ATPAF1: variants seen among roughly 807,000 people sequenced by gnomAD.
ATPAF1 encodes ATP synthase mitochondrial F1 complex assembly factor 1, also known as homolog of yeast ATP11.
A neutral mutation model predicts 43.9 loss-of-function variants in ATPAF1; 26 were observed. The ratio of observed to expected loss-of-function variants is 0.59; its 90% CI spans 0.43 to 0.82. The LOEUF is 0.82. Among genes scored for constraint, ATPAF1 ranks in the 40% least tolerant of loss-of-function variants. The pLI, the probability that ATPAF1 is intolerant of heterozygous loss-of-function variation, is 0.00. For missense variants in ATPAF1, 366 were observed against 435.0 expected (o/e 0.84, Z 1.41); for synonymous variants, 157 against 168.0 (o/e 0.93, Z 0.50).
chr1:46,658,710 TCA>T lies in ATPAF1; in HGVS notation c.401_402del (p.Val134GlufsTer6). The T allele has an allele frequency of 2.5e-6, 4 of 1,603,822 alleles. No homozygotes were observed. The highest frequency in any genetic ancestry group is 1.1e-5 in the South Asian group (1 of 89,472). On this transcript the variant is annotated frameshift_variant, in exon 3 of 9. Transcript: ENST00000574428. LOFTEE classifies it high-confidence loss of function. ...ACCTTGTCCTTAGTGAATCCTCTGT[TCA>T]CAGACTGTTTCCCCAAGGCATCTGT...
intron 8 of ATPAF1, among the ~76,000 whole-genome samples, chr1:46,642,668 C>T (rs1675970601): frequency 6.6e-6 from 1 of 152,094 alleles, no homozygotes; most frequent in Admixed American, 6.5e-5. Flanking sequence ...ACAACTCTTC[C>T]CTATAATTAA....
At chr1:46,656,299 A>G (rs1676272368) in intron 4 of ATPAF1, among the ~76,000 whole-genome samples, 1 of 152,190 alleles carries the variant, frequency 6.6e-6, no homozygotes, top group Non-Finnish European at 1.5e-5. Flanking sequence ...CACCAGAGTG[A>G]GCTAGTGTTG....
At chr1:46,644,828 G>T (rs1676010303) in intron 7 of ATPAF1, among the ~76,000 whole-genome samples, 1 of 152,106 alleles carries the variant, frequency 6.6e-6, no homozygotes, top group Non-Finnish European at 1.5e-5. Context: ...TTTCCTCAAG[G>T]GGCTTCTAGC....
At chr1:46,665,401 C>A (rs753417367) in intron 1 of ATPAF1, 37 bp from the exon 2 acceptor site, 2 of 1,585,980 alleles carry the variant, frequency 1.3e-6, no homozygotes, top group Non-Finnish European at 1.7e-6. Flanking sequence ...ACCAACTGGG[C>A]CTTTTTGAAT....
intron 8 of ATPAF1, 138 bp downstream of exon 8, chr1:46,643,056 T>C: frequency 1.4e-6 from 1 of 690,804 alleles, no homozygotes; most frequent in Non-Finnish European, 2.4e-6. Context: ...CAAGACAACT[T>C]CACTGTCAAC....
intron 2 of ATPAF1, among the ~76,000 whole-genome samples, chr1:46,660,033 G>GT (rs1468498803): frequency 1.3e-5 from 2 of 150,350 alleles, no homozygotes; most frequent in African/African-American, 4.9e-5. Flanking sequence ...CTGGAGTGCA[G>GT]TGGCACAATG....
rs1478711816 is a variant in ATPAF1 at position 46,668,155 on chromosome 1, G to T, written c.168C>A (p.Pro56=). ...CCCCGCTGCTGTCGGCGCCCCCCTC[G>T]GGCCGGCCCGAGCCGGGGCGCACTG... is the stretch of plus-strand genomic sequence containing the variant. The change falls in exon 1 of 9, where the codon CCC becomes CCA. Residue 56 remains proline (P), a synonymous_variant. Coordinates refer to ENST00000574428, the Ensembl canonical transcript of ATPAF1. The surrounding 1 kb of genome is among the most constrained non-coding windows in gnomAD (Gnocchi z 4.4). 3 of 1,399,440 alleles carry T rather than the reference G, an allele frequency of 2.1e-6. No homozygotes were observed. In the Admixed American group the frequency reaches 9.6e-5, roughly 45 times the overall value. 86.7% of individuals were successfully genotyped at this position (1,399,440 alleles called of 1,614,324 possible).
At chr1:46,643,122 G>A in intron 8 of ATPAF1, 72 bp downstream of exon 8, 2 of 1,251,252 alleles carry the variant, frequency 1.6e-6, no homozygotes, top group South Asian at 2.5e-5. Flanking sequence ...TCTCTCTCAT[G>A]AGCTTTGGCA....
At chr1:46,637,409 T>G (rs1174236147) in intron 8 of ATPAF1, among the ~76,000 whole-genome samples, 3 of 152,066 alleles carry the variant, frequency 2.0e-5, no homozygotes, top group Non-Finnish European at 4.4e-5. Context: ...ATGACAGAGA[T>G]GGGGGTTAGA....
chr1:46,659,745 G>A (rs936887920), intron 2 of ATPAF1, among the ~76,000 whole-genome samples: 5 of 152,164 alleles, frequency 3.3e-5, no homozygotes, highest in Non-Finnish European at 5.9e-5. Context: ...CTGGGATTCT[G>A]AGGCTGAAAA....
chr1:46,661,444 A>G (rs1676385049), intron 2 of ATPAF1, among the ~76,000 whole-genome samples: 1 of 152,154 alleles, frequency 6.6e-6, no homozygotes, highest in Non-Finnish European at 1.5e-5. Context: ...TTACATGTTC[A>G]AGGTTATTTC....
At chr1:46,647,802 A>G (rs1231315721) in intron 6 of ATPAF1, among the ~76,000 whole-genome samples, 2 of 152,212 alleles carry the variant, frequency 1.3e-5, no homozygotes, top group African/African-American at 2.4e-5. Flanking sequence ...CAGGTGCTTC[A>G]CATTCTTACC....
In ATPAF1 at chr1:46,665,522, TAAAG is replaced by T. The variant is rs1016544517; in HGVS notation, c.267-162_267-159del. 7 of 1,202,744 alleles carry T rather than the reference TAAAG, an allele frequency of 5.8e-6. No homozygotes were observed. In the African/African-American group the frequency reaches 1.1e-4, roughly 19 times the overall value. 74.5% of individuals were successfully genotyped at this position (1,202,744 alleles called of 1,614,324 possible). On this transcript the variant is annotated intron_variant, in intron 1 of 8. Transcript: ENST00000574428. Reference sequence around the variant, plus strand: ...TAAGAACTGGGCACAGGCCTAGAAATAAAGAAACTGGAAAAAGAAATCCTGTTAT... The same window carrying T: ...TAAGAACTGGGCACAGGCCTAGAAATAAACTGGAAAAAGAAATCCTGTTAT...
Position 46,653,798 on chromosome 1 carries a change from T to C in ATPAF1, c.540+19A>G. 6.2e-7 allele frequency: 1 copy of C among 1,602,806 alleles called. No individual in the cohort carries two copies. Among genetic ancestry groups the C allele is most frequent in the Non-Finnish European group, 8.5e-7 (1 of 1,174,696 alleles). The stretch of plus-strand genomic sequence containing the variant: ...CTTTCATGTTGTAACACTTTCACTT[T>C]GCCCTCCAAACTACTTACAGGAATA... On this transcript the variant is annotated intron_variant, in intron 5 of 8. Coordinates refer to ENST00000574428, the Ensembl canonical transcript of ATPAF1. The surrounding 1 kb of genome is among the most constrained non-coding windows in gnomAD (Gnocchi z 4.8).
At chr1:46,655,419 T>C (rs992847020) in intron 4 of ATPAF1, among the ~76,000 whole-genome samples, 5 of 152,038 alleles carry the variant, frequency 3.3e-5, no homozygotes, top group African/African-American at 1.2e-4. Flanking sequence ...CAGTTGACCT[T>C]CATGATGCAA....
intron 6 of ATPAF1, among the ~76,000 whole-genome samples, chr1:46,650,564 C>T (rs1676145527): frequency 6.6e-6 from 1 of 151,984 alleles, no homozygotes; most frequent in African/African-American, 2.4e-5. Flanking sequence ...GAAGAGATAT[C>T]TGCACTCCCA....
rs777804966 is a variant in ATPAF1, at chr1:46,668,292, C to T, written c.31G>A (p.Gly11Ser). 16 of 1,380,558 alleles carry T rather than the reference C, an allele frequency of 1.2e-5. No individual in the cohort carries two copies. Among genetic ancestry groups the T allele is most frequent in the Non-Finnish European group, 1.5e-5 (16 of 1,062,080 alleles). The allele number at this position is 1,380,558 out of a possible 1,614,324, so 85.5% of individuals were successfully genotyped here. The change falls in exon 1 of 9, where the codon GGC becomes AGC. Residue 11 changes from glycine to serine, a missense_variant. This residue lies in a region of ATPAF1 where 186 missense variants were observed against 168.5 expected (regional missense o/e 1.10). Coordinates refer to ENST00000574428, the Ensembl canonical transcript of ATPAF1. The surrounding 1 kb of genome is among the most constrained non-coding windows in gnomAD (Gnocchi z 4.4). ...ACCTGCAGGACCGCCGGTCCCGCGC[C>T]ACCCGCAGCCGCCACCACCACAGCA...
At position 46,668,204 on chromosome 1, in the gene ATPAF1, G is replaced by A; in HGVS notation, c.119C>T (p.Ser40Leu). 7.2e-7 allele frequency: 1 copy of A among 1,389,006 alleles called. No homozygotes were observed. 86.0% of individuals were successfully genotyped at this position (1,389,006 alleles called of 1,614,324 possible). A position where few individuals can be genotyped will look rare whatever the true frequency, so the allele number is the denominator to read the frequency against. ...TGGGAAGACGCGCAGCTGCGCGGGTGACACGAGCCCCAGGCCCAGGGCGCG... is the reference window on the plus strand; with the variant it reads ...TGGGAAGACGCGCAGCTGCGCGGGTAACACGAGCCCCAGGCCCAGGGCGCG... The change falls in exon 1 of 9, where the codon TCA (serine) becomes TTA (leucine). Residue 40 changes from serine to leucine, a missense_variant. Around this residue, in one of 2 missense-constraint regions of ATPAF1, gnomAD observed 186 missense variants for 168.5 expected, o/e 1.10. Transcript: ENST00000574428. The surrounding 1 kb of genome is among the most constrained non-coding windows in gnomAD (Gnocchi z 4.4).
intron 6 of ATPAF1, among the ~76,000 whole-genome samples, chr1:46,647,302 C>T (rs1408356531): frequency 6.6e-6 from 1 of 152,148 alleles, no homozygotes; most frequent in Non-Finnish European, 1.5e-5. Context: ...TACGACATTC[C>T]CGTCTGTAAG....
Sources: allele counts gnomAD v4.1 joint callset (sites outside exome capture counted in the v4.1 genomes callset), GRCh38; gene constraint gnomAD v4.1.1; regional missense constraint gnomAD v4.1.1; non-coding constraint Gnocchi (gnomAD v3.1); transcripts MANE v1.5; gene names NCBI Gene and HGNC (gene_info 2026-07-23, HGNC 2026-07-21).